The following TASOR variants were observed in gnomAD, a reference collection of about 807,000 sequenced individuals.
The protein encoded by TASOR is protein TASOR.
TASOR carries 53 observed loss-of-function variants against 178.6 expected under a neutral mutation model. That is an observed-to-expected ratio of 0.30 (90% CI 0.24 to 0.37). TASOR has a LOEUF of 0.37. TASOR is among the 10% of genes least tolerant of loss of function. The probability of loss-of-function intolerance (pLI) is 1.00; values close to 1 mark genes in which losing one functional copy is unlikely to be tolerated. For missense variants in TASOR, 1,815 were observed against 1,971.4 expected (o/e 0.92, Z 1.50); for synonymous variants, 713 against 696.2 (o/e 1.02, Z -0.38).
chr3:56,675,647 T>C (rs927968577), intron 1 of TASOR, among the ~76,000 whole-genome samples: 3 of 152,222 alleles, frequency 2.0e-5, no homozygotes, highest in Non-Finnish European at 4.4e-5. Flanking sequence ...CACTTTTCAC[T>C]GTAGAGAGAA....
intron 3 of TASOR, among the ~76,000 whole-genome samples, chr3:56,670,572 A>G (rs1396371375): frequency 6.6e-6 from 1 of 152,124 alleles, no homozygotes; most frequent in Non-Finnish European, 1.5e-5. Context: ...CTCAATATAT[A>G]TAACCAATTC....
At chr3:56,626,172 C>T (rs1425287632) in intron 21 of TASOR, among the ~76,000 whole-genome samples, 2 of 152,102 alleles carry the variant, frequency 1.3e-5, no homozygotes, top group Non-Finnish European at 2.9e-5. Flanking sequence ...ATTTTATAGA[C>T]TTTACTAGTA....
intron 11 of TASOR, 46 bp downstream of exon 11, chr3:56,660,685 A>AT (rs2077575608): frequency 1.3e-5 from 18 of 1,427,496 alleles, no homozygotes; most frequent in Non-Finnish European, 1.8e-5. Flanking sequence ...ATGAATATGC[A>AT]TATTTGTAAC....
rs1264260294 is a variant in TASOR at position 56,671,620 on chromosome 3, G to T, written c.550C>A (p.Leu184Met). ...DKELSESYAF[L>M]MVDRYQVQTI... is the part of the protein sequence containing the mutation. ...CTCACCTGGTATCGATCAACCATCAGAAATGCATAGGATTCTGAAAGTTCC... is the reference window on the plus strand; with the variant it reads ...CTCACCTGGTATCGATCAACCATCATAAATGCATAGGATTCTGAAAGTTCC... Residue 184 changes from leucine (L) to methionine (M), a missense_variant, in exon 3 of 24, where the codon CTG (leucine) becomes ATG (methionine). Around this residue, in one of 5 missense-constraint regions of TASOR, gnomAD observed 504 missense variants for 645.3 expected, o/e 0.78. Transcript: ENST00000683822. 6 of 1,548,976 alleles carry T rather than the reference G, an allele frequency of 3.9e-6. No individual in the cohort carries two copies. The highest frequency in any genetic ancestry group is 4.4e-6 in the Non-Finnish European group (5 of 1,145,686).
intron 6 of TASOR, among the ~76,000 whole-genome samples, chr3:56,667,859 T>C (rs975264487): frequency 6.6e-6 from 1 of 152,232 alleles, no homozygotes; most frequent in African/African-American, 2.4e-5. Flanking sequence ...CATCAAATGT[T>C]ACTCTTATAT....
Position 56,646,631 on chromosome 3 carries a change from TTC to T in TASOR, c.2104_2105del (p.Glu702ArgfsTer13). The T allele has an allele frequency of 6.2e-7, 1 of 1,613,572 alleles. No individual in the cohort carries two copies. The highest frequency in any genetic ancestry group is 8.5e-7 in the Non-Finnish European group (1 of 1,180,010). Reference protein sequence around the residue: ...KKSVGGDSDTEDMRSKTVLKR... With the variant: ...KKSVGGDSDTXDMRSKTVLKR... ...TCAAGACAGTTTTGCTTCTCATATC[TTC>T]TGTGTCTGAGTCCCCACCCACACTC... On this transcript the variant is annotated frameshift_variant, in exon 14 of 24. Transcript: ENST00000683822. LOFTEE classifies it high-confidence loss of function.
chr3:56,627,808 G>A lies in TASOR; in HGVS notation c.3871-67C>T, dbSNP rs139764899. 203 of 1,466,520 alleles carry A rather than the reference G, an allele frequency of 1.4e-4. No homozygotes were observed. In the African/African-American group the frequency reaches 2.5e-3, roughly 18 times the overall value. The allele number at this position is 1,466,520 out of a possible 1,614,324, so 90.8% of individuals were successfully genotyped here. On this transcript the variant is annotated intron_variant, in intron 19 of 23. Coordinates refer to ENST00000683822, the MANE Select transcript of TASOR (RefSeq NM_001365635.2). ...ATGAATTGACAGACTCAAGTGTGAAGGAACCTACAAGAAGTCTAACAGAAT... is the reference window on the plus strand; with the variant it reads ...ATGAATTGACAGACTCAAGTGTGAAAGAACCTACAAGAAGTCTAACAGAAT...
intron 1 of TASOR, among the ~76,000 whole-genome samples, chr3:56,676,416 TG>T (rs1417445877): frequency 2.6e-5 from 4 of 152,204 alleles, no homozygotes; most frequent in African/African-American, 9.7e-5. Context: ...ACCTGTGTTA[TG>T]GAACGTAGGA....
intron 14 of TASOR, among the ~76,000 whole-genome samples, chr3:56,642,199 T>C (rs192579446): frequency 2.7e-4 from 41 of 151,620 alleles, no homozygotes; most frequent in East Asian, 1.2e-3. Flanking sequence ...CCTTAAGGCA[T>C]TGGCTGACAC....
At chr3:56,636,406 GTT>G (rs1192550553) in intron 17 of TASOR, among the ~76,000 whole-genome samples, 8 of 151,746 alleles carry the variant, frequency 5.3e-5, no homozygotes, top group African/African-American at 1.9e-4. Context: ...TGGTGGTGGT[GTT>G]GTTGTTGTTG....
chr3:56,622,982 T>C lies in TASOR; in HGVS notation c.*55A>G, dbSNP rs1205510593. The C allele has an allele frequency of 5.9e-6, 7 of 1,178,608 alleles. No individual in the cohort carries two copies. The highest frequency in any genetic ancestry group is 1.6e-5 in the African/African-American group (1 of 64,506). 73.0% of individuals were successfully genotyped at this position (1,178,608 alleles called of 1,614,324 possible). On this transcript the variant is annotated 3_prime_UTR_variant, in exon 24 of 24. Transcript: ENST00000683822. ...AACCTTTTGTTTAGAGAATGAAATA[T>C]AAATTGTTAATAAACAAAGTCCACA...
rs1262745068 is a variant in TASOR, at chr3:56,669,716, A to G, written c.719T>C (p.Ile240Thr). Residue 240 changes from isoleucine to threonine, a missense_variant, in exon 5 of 24, where the codon ATT becomes ACT. Ile to Thr is a moderately conservative substitution (Grantham distance 89). Transcript: ENST00000683822. ...TTAAATTACCTTCATTATTTTAAAA[A>G]TAACAACATCACCCATTGCCCCCGT... Reference protein sequence around the residue: ...LDTGAMGDVVIFKIMKGKIKS... With the variant: ...LDTGAMGDVVTFKIMKGKIKS... 1.3e-6 allele frequency: 2 copies of G among 1,544,776 alleles called. No individual in the cohort carries two copies. Among genetic ancestry groups the G allele is most frequent in the African/African-American group, 2.7e-5 (2 of 72,806 alleles).
intron 13 of TASOR, among the ~76,000 whole-genome samples, chr3:56,647,765 G>T (rs1158684672): frequency 6.6e-6 from 1 of 152,182 alleles, no homozygotes; most frequent in Non-Finnish European, 1.5e-5. Context: ...CTTAGAAAAG[G>T]TGGTTAACAA....
At chr3:56,663,388 A>G (rs1241342866) in intron 8 of TASOR, among the ~76,000 whole-genome samples, 153 bp downstream of exon 8, 1 of 152,202 alleles carries the variant, frequency 6.6e-6, no homozygotes, top group Non-Finnish European at 1.5e-5. Context: ...AGGAGATCTT[A>G]TGCTTGGACA....
chr3:56,681,179 A>C (rs2031753733), intron 1 of TASOR, among the ~76,000 whole-genome samples: 2 of 152,144 alleles, frequency 1.3e-5, no homozygotes, highest in Non-Finnish European at 2.9e-5. Context: ...CAAGCTGTGA[A>C]GAAAAAAAAT....
Position 56,641,679 on chromosome 3 carries a change from G to C in TASOR, c.2289C>G (p.Ser763=). The change falls in exon 15 of 24, where the codon TCC becomes TCG. Residue 763 remains serine (S), a synonymous_variant. Transcript: ENST00000683822. The stretch of plus-strand genomic sequence containing the variant: ...ACAGCCTATGGATGTCAGCAATGCC[G>C]GAGTTACAGGTATCCTGCTGCTGCC... ...LRRQQQDTCN[S]GIADIHRLFN... The C allele has an allele frequency of 1.2e-6, 2 of 1,614,180 alleles. No homozygotes were observed. Among genetic ancestry groups the C allele is most frequent in the Non-Finnish European group, 1.7e-6 (2 of 1,180,038 alleles).
intron 14 of TASOR, among the ~76,000 whole-genome samples, chr3:56,644,661 GAGA>G (rs1458893318): frequency 6.6e-6 from 1 of 151,496 alleles, no homozygotes; most frequent in Non-Finnish European, 1.5e-5. Context: ...AAGCAATACT[GAGA>G]AGAACATGAT....
chr3:56,633,428 T>TA lies in TASOR; in HGVS notation c.3362dup (p.Pro1122ThrfsTer6). Reference sequence around the variant, plus strand: ...TGTTGAAGTCACTTGAGGAAACTGGTATGACATGCCTTTCCAGAGGATTCG... The same window carrying TA: ...TGTTGAAGTCACTTGAGGAAACTGGTAATGACATGCCTTTCCAGAGGATTCG... On this transcript the variant is annotated frameshift_variant, in exon 18 of 24. Transcript: ENST00000683822. LOFTEE classifies it high-confidence loss of function. 3 of 1,614,118 alleles carry TA rather than the reference T, an allele frequency of 1.9e-6. No homozygotes were observed. Among genetic ancestry groups the TA allele is most frequent in the Non-Finnish European group, 2.5e-6 (3 of 1,179,970 alleles).
At chr3:56,673,501 A>AT in intron 2 of TASOR, 79 bp downstream of exon 2, 1 of 1,005,184 alleles carries the variant, frequency 9.9e-7, no homozygotes, top group Non-Finnish European at 1.3e-6. Flanking sequence ...AAATTTTAGT[A>AT]TTTCTAGAGA....
Sources: gnomAD v4.1 joint callset for allele counts (sites outside exome capture counted in the v4.1 genomes callset) on GRCh38, gnomAD v4.1.1 for gene constraint, gnomAD v4.1.1 regional missense constraint, MANE v1.5 for transcripts, NCBI Gene and HGNC (gene_info 2026-07-23, HGNC 2026-07-21) for gene names.